BRAF: variants seen among roughly 807,000 people sequenced by gnomAD.
The protein encoded by BRAF is serine/threonine-protein kinase B-raf.
In BRAF, 16 loss-of-function variants were observed where a neutral mutation model predicts 104.6. That is an observed-to-expected ratio of 0.15 (90% CI 0.10 to 0.23). The LOEUF (loss-of-function observed/expected upper bound fraction) is 0.23, where lower values mean the gene tolerates loss of function less well. Ranked by LOEUF, BRAF falls within the 10% of genes least tolerant of loss-of-function variation. BRAF has a pLI of 1.00. For synonymous variants in BRAF, 310 were observed against 341.6 expected (o/e 0.91, Z 1.02); for missense variants, 541 against 937.3 (o/e 0.58, Z 5.52).
At chr7:140,837,785 C>T (rs984216944) in intron 2 of BRAF, among the ~76,000 whole-genome samples, 4 of 152,180 alleles carry the variant, frequency 2.6e-5, no homozygotes, top group Admixed American at 2.6e-4. Context: ...CATCCTTCAA[C>T]TTTTAATTCA....
intron 18 of BRAF, among the ~76,000 whole-genome samples, chr7:140,736,412 C>G (rs898953797): frequency 4.0e-5 from 6 of 149,546 alleles, no homozygotes; most frequent in African/African-American, 1.2e-4. Context: ...TACATGAAAA[C>G]AAGGCCCACC....
chr7:140,740,061 T>C, intron 17 of BRAF, 115 bp from the exon 17 acceptor site: 2 of 1,128,430 alleles, frequency 1.8e-6, no homozygotes, highest in East Asian at 5.1e-5. Flanking sequence ...ATGTATGTAT[T>C]ACACCTCAAT....
chr7:140,761,126 G>A (rs1798682525), intron 14 of BRAF, among the ~76,000 whole-genome samples: 1 of 152,052 alleles, frequency 6.6e-6, no homozygotes, highest in African/African-American at 2.4e-5. Context: ...AAATGTTAAG[G>A]GCAGCCAGAC....
chr7:140,783,344 T>C, intron 10 of BRAF, 187 bp from the exon 10 acceptor site: 1 of 653,002 alleles, frequency 1.5e-6, no homozygotes, highest in South Asian at 2.1e-5. Flanking sequence ...TTTCTTTTAG[T>C]TTTCTGGCCA....
chr7:140,913,249 C>T (rs1439457319), intron 1 of BRAF, among the ~76,000 whole-genome samples: 2 of 151,984 alleles, frequency 1.3e-5, no homozygotes, highest in Admixed American at 6.6e-5. Context: ...GCCCCATCCC[C>T]CAATACACAC....
Position 140,778,693 on chromosome 7 carries a change from TATAATA to T in BRAF, c.1553-624_1553-619del, listed in dbSNP as rs146950502. 9.9e-3 allele frequency among the ~76,000 whole-genome samples: 1,478 copies of T among 149,070 alleles called. 26 individuals are homozygous for T. The highest frequency in any genetic ancestry group is 0.034 in the African/African-American group (1,392 of 40,548). ...GCACATGTACCCTAAAACTTAAAAG[TATAATA>T]ATAATAAAAAAAGAAAATGATATTT... On this transcript the variant is annotated intron_variant, in intron 12 of 19. Coordinates refer to ENST00000644969, the MANE Select transcript of BRAF (RefSeq NM_001374258.1).
downstream of BRAF, among the ~76,000 whole-genome samples, chr7:140,715,582 G>C (rs544340036): frequency 1.4e-4 from 21 of 152,226 alleles, no homozygotes; most frequent in Middle Eastern, 3.4e-3. Context: ...ACTTTAAAAA[G>C]AGCATTCTTT....
At chr7:140,751,165 G>A (rs1274101100) in intron 16 of BRAF, among the ~76,000 whole-genome samples, 7 of 152,024 alleles carry the variant, frequency 4.6e-5, no homozygotes, top group African/African-American at 1.7e-4. Context: ...ATTTACACAG[G>A]TATCAACAAA....
chr7:140,799,916 ATTTT>A, intron 7 of BRAF: 13 of 307,576 alleles, frequency 4.2e-5, no homozygotes, highest in Non-Finnish European at 6.1e-5. Flanking sequence ...CTGTTGCATG[ATTTT>A]TTCAGGACTG....
chr7:140,721,609 C>T lies in BRAF; in HGVS notation c.*4885G>A, dbSNP rs1034115207. ...ACTCCGCTCTCCTCTGGCCAAGCTA[C>T]AAATCATCACCTGAGGCAGAGATGC... On this transcript the variant is annotated 3_prime_UTR_variant, in exon 20 of 20. Transcript: ENST00000644969. The T allele has an allele frequency of 6.5e-7, 1 of 1,535,198 alleles. No homozygotes were observed. The highest frequency in any genetic ancestry group is 2.4e-5 in the East Asian group (1 of 40,822).
At chr7:140,915,977 AAAACAAAC>A (rs202074977) in intron 1 of BRAF, among the ~76,000 whole-genome samples, 1 of 150,568 alleles carries the variant, frequency 6.6e-6, no homozygotes, top group East Asian at 2.0e-4. Flanking sequence ...CATCTCTACC[AAAACAAAC>A]AAACAAACAA....
At chr7:140,868,365 G>A (rs756444220) in intron 1 of BRAF, among the ~76,000 whole-genome samples, 22 of 151,998 alleles carry the variant, frequency 1.4e-4, no homozygotes, top group Non-Finnish European at 2.8e-4. Flanking sequence ...ATAAAATGTC[G>A]CATATCCATT....
chr7:140,752,016 G>C (rs1402885173), intron 16 of BRAF, among the ~76,000 whole-genome samples: 1 of 152,150 alleles, frequency 6.6e-6, no homozygotes, highest in Non-Finnish European at 1.5e-5. Flanking sequence ...GGATGATAAA[G>C]AACTTTTGTT....
Position 140,721,299 on chromosome 7 carries a change from T to C in BRAF, c.*5195A>G. 8.6e-7 allele frequency: 1 copy of C among 1,162,014 alleles called. No individual in the cohort carries two copies. Among genetic ancestry groups the C allele is most frequent in the African/African-American group, 1.6e-5 (1 of 63,410 alleles). 72.0% of individuals were successfully genotyped at this position (1,162,014 alleles called of 1,614,324 possible). On this transcript the variant is annotated 3_prime_UTR_variant, in exon 20 of 20. Transcript: ENST00000644969. The stretch of plus-strand genomic sequence containing the variant: ...TGCCGACTAATTGCCCCATGCATTT[T>C]TTTTTTTTAAAGCACTGTTACCTTA...
At chr7:140,781,284 T>C in intron 12 of BRAF, 1 of 399,066 alleles carries the variant, frequency 2.5e-6, no homozygotes, top group Non-Finnish European at 4.6e-6. Context: ...AATAAAATTA[T>C]CAGCTGAAAG....
chr7:140,806,115 T>G (rs982114011), intron 5 of BRAF, among the ~76,000 whole-genome samples: 1 of 152,198 alleles, frequency 6.6e-6, no homozygotes, highest in African/African-American at 2.4e-5. Flanking sequence ...TCATCCATTC[T>G]GAACTTCTTT....
At chr7:140,713,611 CAA>C in the BRAF span, among the ~76,000 whole-genome samples, 1 of 152,192 alleles carries the variant, frequency 6.6e-6, no homozygotes, top group Non-Finnish European at 1.5e-5. Flanking sequence ...CTCAACTTGT[CAA>C]AGTCATTCTC....
At chr7:140,829,261 G>A (rs2129058877) in intron 3 of BRAF, among the ~76,000 whole-genome samples, 1 of 149,898 alleles carries the variant, frequency 6.7e-6, no homozygotes, top group African/African-American at 2.5e-5. Context: ...CAGCTTTTGA[G>A]CTAATTAAGT....
intron 1 of BRAF, among the ~76,000 whole-genome samples, chr7:140,872,166 G>T (rs1811669830): frequency 6.6e-6 from 1 of 151,994 alleles, no homozygotes; most frequent in Non-Finnish European, 1.5e-5. Flanking sequence ...AGTGAGCCGA[G>T]ATCGCACCAT....
Sources: allele counts gnomAD v4.1 joint callset (sites outside exome capture counted in the v4.1 genomes callset), GRCh38; gene constraint gnomAD v4.1.1; transcripts MANE v1.5; gene names NCBI Gene and HGNC (gene_info 2026-07-23, HGNC 2026-07-21).